Variants in MAP2 observed in about 807,000 individuals in gnomAD.
MAP2 encodes microtubule associated protein 2, also known as microtubule-associated protein 2.
Under a neutral mutation model 137.6 loss-of-function variants are expected in MAP2, and 14 were observed. The ratio of observed to expected loss-of-function variants is 0.10; its 90% CI spans 0.07 to 0.16. The LOEUF (loss-of-function observed/expected upper bound fraction) is 0.16, where lower values mean the gene tolerates loss of function less well. MAP2 is among the 10% of genes least tolerant of loss of function. MAP2 has a pLI of 1.00. For synonymous variants in MAP2, 786 were observed against 782.3 expected, an observed-to-expected ratio of 1.00 and a Z score of -0.08; for missense variants, 2,088 against 2,191.5, an observed-to-expected ratio of 0.95 and a Z score of 0.94.
intron 4 of MAP2, among the ~76,000 whole-genome samples, chr2:209,651,344 G>T (rs1282545378): frequency 1.3e-5 from 2 of 152,126 alleles, no homozygotes; most frequent in African/African-American, 4.8e-5. Flanking sequence ...AATATCTGGG[G>T]ACGGATTTGC....
chr2:209,602,983 A>G (rs2083438156), intron 3 of MAP2, among the ~76,000 whole-genome samples: 2 of 152,194 alleles, frequency 1.3e-5, no homozygotes, highest in African/African-American at 4.8e-5. Flanking sequence ...CAAGCTCATA[A>G]ATCAGTGGCT....
chr2:209,501,568 A>G (rs1434926109), intron 1 of MAP2, among the ~76,000 whole-genome samples: 1 of 152,222 alleles, frequency 6.6e-6, no homozygotes, highest in African/African-American at 2.4e-5. Context: ...TGGTGCTTTT[A>G]GTATGCTGAT....
intron 5 of MAP2, among the ~76,000 whole-genome samples, chr2:209,664,985 A>AAAG (rs1199774248): frequency 5.5e-5 from 8 of 145,944 alleles, no homozygotes; most frequent in African/African-American, 7.9e-5. Flanking sequence ...AAAAAAAAAA[A>AAAG]AAGAAGAAGA....
intron 1 of MAP2, among the ~76,000 whole-genome samples, chr2:209,466,681 T>TA (rs1362409929): frequency 6.6e-6 from 1 of 152,234 alleles, no homozygotes; most frequent in Non-Finnish European, 1.5e-5. Flanking sequence ...TTCCATGATC[T>TA]AAATGCTACA....
chr2:209,595,581 C>T (rs532968758), intron 3 of MAP2, among the ~76,000 whole-genome samples: 124 of 152,238 alleles, frequency 8.1e-4, no homozygotes, highest in African/African-American at 2.8e-3. Flanking sequence ...CTAGAAATAC[C>T]ATTGGATCCA....
rs189920790 is a variant in MAP2, at chr2:209,517,183, C to A, written c.-172+9542C>A. Among the ~76,000 whole-genome samples the A allele has an allele frequency of 1.8e-3, 269 of 152,190 alleles. 1 individual carries two copies. The highest frequency in any genetic ancestry group is 6.2e-3 in the African/African-American group (259 of 41,568). ...CTGTGTTCCTCTTTCACTGTAGGGA[C>A]TAAGTAGATATGTATTAATTTTTGG... On this transcript the variant is annotated intron_variant, in intron 2 of 15. Transcript: ENST00000682079.
intron 1 of MAP2, among the ~76,000 whole-genome samples, chr2:209,492,006 A>G (rs899497308): frequency 6.6e-6 from 1 of 152,244 alleles, no homozygotes; most frequent in South Asian, 2.1e-4. Flanking sequence ...AGAACATTTC[A>G]GCCCAATATC....
intron 4 of MAP2, among the ~76,000 whole-genome samples, chr2:209,635,262 A>G (rs1366440435): frequency 6.6e-6 from 1 of 152,164 alleles, no homozygotes; most frequent in Non-Finnish European, 1.5e-5. Context: ...ATTAATGTAG[A>G]AAACCTCATT....
At position 209,693,246 on chromosome 2, in the gene MAP2, C is replaced by T; in HGVS notation, c.1076C>T (p.Pro359Leu). 1.2e-6 allele frequency: 2 copies of T among 1,614,020 alleles called. No homozygotes were observed. Among genetic ancestry groups the T allele is most frequent in the Non-Finnish European group, 1.7e-6 (2 of 1,179,978 alleles). ...AAATCTCTGCAACAAACCAGTGGCCCAGCTACTGCCAAAGATAGTTTTAAA... is the reference window on the plus strand; with the variant it reads ...AAATCTCTGCAACAAACCAGTGGCCTAGCTACTGCCAAAGATAGTTTTAAA... ...DKKSLQQTSG[P>L]ATAKDSFKIE... Residue 359 changes from proline to leucine, a missense_variant, in exon 8 of 16, where the codon CCA becomes CTA. By Grantham distance (98) the Pro-to-Leu change is moderately conservative. Around this residue, in one of 6 missense-constraint regions of MAP2, gnomAD observed 859 missense variants for 794.5 expected, o/e 1.08. Coordinates refer to ENST00000682079, the MANE Select transcript of MAP2 (RefSeq NM_001375505.1).
chr2:209,478,950 T>C (rs1299889228), intron 1 of MAP2, among the ~76,000 whole-genome samples: 1 of 152,240 alleles, frequency 6.6e-6, no homozygotes, highest in Admixed American at 6.5e-5. Flanking sequence ...GTGTCTAACA[T>C]TTACCCAGTC....
At chr2:209,570,470 A>G (rs1254691419) in intron 2 of MAP2, among the ~76,000 whole-genome samples, 1 of 151,938 alleles carries the variant, frequency 6.6e-6, no homozygotes, top group African/African-American at 2.4e-5. Flanking sequence ...GTTGAATAAA[A>G]TAATGTACTC....
At chr2:209,657,231 A>G (rs972070343) in intron 5 of MAP2, among the ~76,000 whole-genome samples, 2 of 152,206 alleles carry the variant, frequency 1.3e-5, no homozygotes, top group Admixed American at 6.5e-5. Context: ...TGGTGCTGCA[A>G]TAAATATATG....
chr2:209,444,851 A>T (rs1698677099), intron 1 of MAP2, among the ~76,000 whole-genome samples: 1 of 151,628 alleles, frequency 6.6e-6, no homozygotes, highest in South Asian at 2.1e-4. Context: ...TATTTTTAAA[A>T]TTTTAAAGTA....
chr2:209,544,244 A>C (rs923689020), intron 2 of MAP2, among the ~76,000 whole-genome samples: 2 of 151,994 alleles, frequency 1.3e-5, no homozygotes, highest in African/African-American at 4.8e-5. Flanking sequence ...AAAGAAAAAA[A>C]AAACGGGGAA....
At chr2:209,562,909 G>A (rs2072514794) in intron 2 of MAP2, among the ~76,000 whole-genome samples, 1 of 152,126 alleles carries the variant, frequency 6.6e-6, no homozygotes, top group African/African-American at 2.4e-5. Context: ...AATCATTAAT[G>A]TTAGTTATCC....
chr2:209,631,118 C>A (rs535348695), intron 4 of MAP2, among the ~76,000 whole-genome samples: 42 of 147,500 alleles, frequency 2.8e-4, no homozygotes, highest in Admixed American at 1.5e-3. Flanking sequence ...CTTAAGGAAG[C>A]ATTTCAGGTG....
At chr2:209,646,942 T>G (rs555418885) in intron 4 of MAP2, among the ~76,000 whole-genome samples, 6 of 152,244 alleles carry the variant, frequency 3.9e-5, no homozygotes, top group Admixed American at 3.3e-4. Context: ...TCTGAGACTG[T>G]GTAATTTATA....
intron 1 of MAP2, among the ~76,000 whole-genome samples, chr2:209,454,590 G>T (rs924828654): frequency 2.6e-5 from 4 of 152,100 alleles, no homozygotes; most frequent in Admixed American, 2.0e-4. Flanking sequence ...ATCCACCTTG[G>T]CCTCTCAAAG....
chr2:209,595,289 A>G (rs1251110971), intron 3 of MAP2, among the ~76,000 whole-genome samples: 1 of 152,200 alleles, frequency 6.6e-6, no homozygotes, highest in African/African-American at 2.4e-5. Flanking sequence ...TAAAATGAGT[A>G]TAATTTAGTG....
Sources: allele counts gnomAD v4.1 joint callset (sites outside exome capture counted in the v4.1 genomes callset), GRCh38; gene constraint gnomAD v4.1.1; regional missense constraint gnomAD v4.1.1; transcripts MANE v1.5; gene names NCBI Gene and HGNC (gene_info 2026-07-23, HGNC 2026-07-21).